COL5A1: variants seen among roughly 807,000 people sequenced by gnomAD.
COL5A1 encodes the protein collagen type V alpha 1 chain, also known as collagen alpha-1(V) chain.
A neutral mutation model predicts 263.7 loss-of-function variants in COL5A1; 16 were observed. The observed-to-expected ratio is 0.06, with a 90% CI of 0.04 to 0.09. COL5A1 has a LOEUF of 0.09. Ranked by LOEUF, COL5A1 falls within the 10% of genes least tolerant of loss-of-function variation. The pLI is 1.00. For synonymous variants in COL5A1, 1,012 were observed against 1,004.5 expected (o/e 1.01, Z -0.14); for missense variants, 2,036 against 2,540.5 (o/e 0.80, Z 4.27).
At chr9:134,658,777 T>A (rs1300114551) in intron 1 of COL5A1, among the ~76,000 whole-genome samples, 1 of 152,094 alleles carries the variant, frequency 6.6e-6, no homozygotes, top group Non-Finnish European at 1.5e-5. Flanking sequence ...GCTCCAGGCC[T>A]GGAGGGGAGG....
At chr9:134,683,676 C>T (rs951724657) in intron 1 of COL5A1, among the ~76,000 whole-genome samples, 6 of 152,178 alleles carry the variant, frequency 3.9e-5, no homozygotes, top group Admixed American at 6.5e-5. Context: ...GTGCAGGCCC[C>T]GGTCCTGCCC....
intron 57 of COL5A1, 24 bp from the exon 58 acceptor site, chr9:134,820,092 C>T (rs759851576): frequency 2.5e-6 from 4 of 1,592,844 alleles, no homozygotes; most frequent in African/African-American, 2.7e-5. Context: ...TCAAATGCCC[C>T]TTCCTGTCTT....
chr9:134,706,347 C>G (rs1031233822), intron 4 of COL5A1, among the ~76,000 whole-genome samples: 87 of 152,158 alleles, frequency 5.7e-4, no homozygotes, highest in African/African-American at 2.0e-3. Context: ...GCTGGGCTCC[C>G]CCCAGTGCAG....
At chr9:134,717,684 G>A (rs1298799330) in intron 4 of COL5A1, among the ~76,000 whole-genome samples, 1 of 152,210 alleles carries the variant, frequency 6.6e-6, no homozygotes, top group African/African-American at 2.4e-5. Flanking sequence ...TGGACAACAT[G>A]CTTGCCGACC....
intron 4 of COL5A1, among the ~76,000 whole-genome samples, chr9:134,709,491 G>A (rs1026535020): frequency 3.3e-5 from 5 of 152,208 alleles, no homozygotes; most frequent in African/African-American, 7.2e-5. Context: ...AGTGGTGAGC[G>A]AGTGAGGCCT....
chr9:134,803,437 C>T (rs1399897103), intron 39 of COL5A1, among the ~76,000 whole-genome samples: 2 of 152,082 alleles, frequency 1.3e-5, no homozygotes, highest in Non-Finnish European at 2.9e-5. Flanking sequence ...GAAGTTGAGA[C>T]CAGCCTGGCC....
At chr9:134,730,760 G>A (rs574681258) in intron 7 of COL5A1, among the ~76,000 whole-genome samples, 63 of 152,348 alleles carry the variant, frequency 4.1e-4, no homozygotes, top group Non-Finnish European at 6.9e-4. Flanking sequence ...TAGCCCTTCC[G>A]GTCTTTGAGG....
Position 134,742,426 on chromosome 9 carries a change from G to A in COL5A1, c.1494+3618G>A, listed in dbSNP as rs1407208313. On this transcript the variant is annotated intron_variant, in intron 11 of 65. Transcript: ENST00000371817. The surrounding 1 kb of genome is among the most constrained non-coding windows in gnomAD (Gnocchi z 4.6). The stretch of plus-strand genomic sequence containing the variant: ...AGGTCTGGAGCGGCTGTGTCCGGGT[G>A]GAGAAGGGGCTCGAACCATCATCCC... Among the ~76,000 whole-genome samples the A allele has an allele frequency of 6.6e-6, 1 of 152,136 alleles. No homozygotes were observed. Among genetic ancestry groups the A allele is most frequent in the African/African-American group, 2.4e-5 (1 of 41,442 alleles).
intron 2 of COL5A1, 92 bp from the exon 3 acceptor site, chr9:134,699,817 G>A (rs1421701442): frequency 1.6e-6 from 2 of 1,271,086 alleles, no homozygotes; most frequent in Admixed American, 3.4e-5. Flanking sequence ...CAGCTTCCCA[G>A]GGTCCCGGGC....
At chr9:134,790,341 CCCACCCACCAACCCAT>C (rs1837626246) in intron 32 of COL5A1, among the ~76,000 whole-genome samples, 1 of 129,224 alleles carries the variant, frequency 7.7e-6, no homozygotes, top group African/African-American at 2.9e-5. Flanking sequence ...CATCCATCCA[CCCACCCACCAACCCAT>C]CCACCCATCC....
chr9:134,811,914 C>T (rs916527206), intron 46 of COL5A1, among the ~76,000 whole-genome samples: 13 of 152,254 alleles, frequency 8.5e-5, no homozygotes, highest in African/African-American at 2.9e-4. Context: ...GGGCATGTTT[C>T]ATGGCCATGC....
chr9:134,807,623 C>G (rs866876633), intron 42 of COL5A1, among the ~76,000 whole-genome samples: 4 of 152,202 alleles, frequency 2.6e-5, no homozygotes, highest in African/African-American at 9.7e-5. Flanking sequence ...ACGTTTCACT[C>G]TCAGTGGCTC....
intron 57 of COL5A1, among the ~76,000 whole-genome samples, chr9:134,819,597 A>G (rs73664151): frequency 0.044 from 6,774 of 152,278 alleles, 408 homozygotes; most frequent in African/African-American, 0.13. Context: ...CCCCAAGGCA[A>G]ATGAGAGCTG....
chr9:134,756,937 G>A (rs1312616316), intron 17 of COL5A1, 119 bp downstream of exon 17: 31 of 986,336 alleles, frequency 3.1e-5, no homozygotes, highest in Non-Finnish European at 4.7e-5. Flanking sequence ...AGGTGGCTCC[G>A]TCACTGGCAT....
In COL5A1 at chr9:134,760,011, C is replaced by A. The variant is rs533651120; in HGVS notation, c.1935+1715C>A. ...CACCCACACACCCCACACTCATACA[C>A]ACATGCACACACACCCACGCACACA... On this transcript the variant is annotated intron_variant, in intron 18 of 65. Transcript: ENST00000371817. Among the ~76,000 whole-genome samples the A allele has an allele frequency of 1.1e-3, 135 of 125,178 alleles. 2 individuals carry two copies. In the South Asian group the frequency reaches 0.011, roughly 11 times the overall value. 82.1% of individuals were successfully genotyped at this position (125,178 alleles called of 152,430 possible).
rs528814041 is a variant in COL5A1 at position 134,764,970 on chromosome 9, G to A, written c.2035-711G>A. 4.7e-4 allele frequency among the ~76,000 whole-genome samples: 72 copies of A among 152,304 alleles called. No homozygotes were observed. The South Asian group carries it at 7.4e-3, about 16-fold the overall frequency. On this transcript the variant is annotated intron_variant, in intron 20 of 65. Coordinates refer to ENST00000371817, the MANE Select transcript of COL5A1 (RefSeq NM_000093.5). ...AAAATTAAGGGCACTTGAAGTCCAC[G>A]TACCTGGGGTGAAGCCTCTGTAATT...
intron 57 of COL5A1, among the ~76,000 whole-genome samples, chr9:134,819,659 C>T (rs547413015): frequency 2.0e-4 from 31 of 152,264 alleles, no homozygotes; most frequent in Admixed American, 9.8e-4. Flanking sequence ...ACATAGACAG[C>T]GAGTGTCATG....
At chr9:134,839,136 G>A (rs1223974287) in intron 65 of COL5A1, among the ~76,000 whole-genome samples, 3 of 152,224 alleles carry the variant, frequency 2.0e-5, no homozygotes, top group African/African-American at 4.8e-5. Context: ...ATTCCAACGC[G>A]GGCATCGTTT....
At position 134,789,616 on chromosome 9, in the gene COL5A1, G is replaced by T. The variant is rs1316179646; in HGVS notation, c.2700+408G>T. ...AAAAATGTCCTGCTACTTAACCGTCGTCCAAATTTAAAGTCATTTAAATTA... is the reference window on the plus strand; with the variant it reads ...AAAAATGTCCTGCTACTTAACCGTCTTCCAAATTTAAAGTCATTTAAATTA... On this transcript the variant is annotated intron_variant, in intron 32 of 65. Transcript: ENST00000371817. This position sits in a 1 kb window ranked among gnomAD's most constrained non-coding sequence, Gnocchi z 4.8. 6.6e-6 allele frequency among the ~76,000 whole-genome samples: 1 copy of T among 152,138 alleles called. No individual in the cohort carries two copies. Among genetic ancestry groups the T allele is most frequent in the Non-Finnish European group, 1.5e-5 (1 of 68,022 alleles).
Sources: gnomAD v4.1 joint callset for allele counts (sites outside exome capture counted in the v4.1 genomes callset) on GRCh38, gnomAD v4.1.1 for gene constraint, Gnocchi (gnomAD v3.1) non-coding constraint, MANE v1.5 for transcripts, NCBI Gene and HGNC (gene_info 2026-07-23, HGNC 2026-07-21) for gene names.